Variants in TNIK observed in about 807,000 individuals in gnomAD.
TNIK encodes TRAF2 and NCK-interacting protein kinase.
TNIK carries 49 observed loss-of-function variants against 191.3 expected under a neutral mutation model. The ratio of observed to expected loss-of-function variants is 0.26; its 90% confidence interval spans 0.20 to 0.32. The LOEUF is 0.32. Ranked by LOEUF, TNIK falls within the 10% of genes least tolerant of loss-of-function variation. The pLI, the probability that TNIK is intolerant of heterozygous loss-of-function variation, is 1.00. For synonymous variants in TNIK, 594 were observed against 600.9 expected, an observed-to-expected ratio of 0.99 and a Z score of 0.17; for missense variants, 1,155 against 1,702.3, an observed-to-expected ratio of 0.68 and a Z score of 5.66.
At chr3:171,422,217 A>T (rs1185756290) in intron 1 of TNIK, among the ~76,000 whole-genome samples, 2 of 152,202 alleles carry the variant, frequency 1.3e-5, no homozygotes, top group Non-Finnish European at 2.9e-5. Flanking sequence ...CTCAGGAAAG[A>T]TTAAGTCTCA....
At chr3:171,122,125 G>A (rs34430099) in intron 18 of TNIK, among the ~76,000 whole-genome samples, 9,238 of 152,248 alleles carry the variant, frequency 0.061, 329 homozygotes, top group Middle Eastern at 0.13. Context: ...AGAGGGAATG[G>A]AAATGGCTTT....
chr3:171,447,510 A>G (rs66483175), intron 1 of TNIK, among the ~76,000 whole-genome samples: 9,086 of 152,306 alleles, frequency 0.06, 518 homozygotes, highest in African/African-American at 0.15. Context: ...CAAGGTCCAT[A>G]AATCAAATGA....
chr3:171,453,328 G>A (rs1422053133), intron 1 of TNIK, among the ~76,000 whole-genome samples: 4 of 152,194 alleles, frequency 2.6e-5, no homozygotes, highest in Non-Finnish European at 5.9e-5. Flanking sequence ...GGGACAACTT[G>A]AGAGAAATCA....
chr3:171,241,212 T>C (rs1744945764), intron 2 of TNIK, among the ~76,000 whole-genome samples: 1 of 152,112 alleles, frequency 6.6e-6, no homozygotes, highest in Non-Finnish European at 1.5e-5. Context: ...GTACTTTTAG[T>C]AGAGACAGGG....
intron 23 of TNIK, among the ~76,000 whole-genome samples, chr3:171,088,552 T>C (rs569920646): frequency 2.6e-4 from 39 of 152,288 alleles, no homozygotes; most frequent in African/African-American, 7.7e-4. Flanking sequence ...TTATAATGTA[T>C]ATAATGTCAG....
At chr3:171,448,522 C>G (rs1490699351) in intron 1 of TNIK, among the ~76,000 whole-genome samples, 1 of 149,860 alleles carries the variant, frequency 6.7e-6, no homozygotes, top group South Asian at 2.1e-4. Context: ...GGTTGATGGA[C>G]ACTTGGGTTG....
chr3:171,394,265 C>T (rs902358616), intron 1 of TNIK, among the ~76,000 whole-genome samples: 10 of 152,208 alleles, frequency 6.6e-5, no homozygotes, highest in African/African-American at 2.2e-4. Context: ...CTCATCTCCC[C>T]TTGTCTCCTG....
intron 1 of TNIK, among the ~76,000 whole-genome samples, chr3:171,430,414 A>T (rs1480334652): frequency 6.6e-6 from 1 of 152,118 alleles, no homozygotes; most frequent in Non-Finnish European, 1.5e-5. Flanking sequence ...CTGAGGTGGG[A>T]GGATCCTTTG....
intron 1 of TNIK, among the ~76,000 whole-genome samples, chr3:171,412,514 G>C (rs1471348081): frequency 1.3e-5 from 2 of 152,146 alleles, no homozygotes; most frequent in African/African-American, 4.8e-5. Context: ...GAGATTAATT[G>C]AGCCCTTATA....
intron 2 of TNIK, among the ~76,000 whole-genome samples, chr3:171,286,760 G>C (rs35875980): frequency 6.6e-6 from 1 of 152,190 alleles, no homozygotes; most frequent in Non-Finnish European, 1.5e-5. Flanking sequence ...CCTGATACCA[G>C]TTACCAGCCA....
Position 171,434,554 on chromosome 3 carries a change from C to T in TNIK, c.57+25453G>A, listed in dbSNP as rs190488182. ...CTCACTGCAGCCTCAAACTCCTGGG[C>T]TCAAGCAATCTTCCTACCTCAGCCT... On this transcript the variant is annotated intron_variant, in intron 1 of 32. Coordinates refer to ENST00000436636, the MANE Select transcript of TNIK (RefSeq NM_015028.4). 2.2e-3 allele frequency among the ~76,000 whole-genome samples: 336 copies of T among 152,102 alleles called. 2 individuals are homozygous for T. The highest frequency in any genetic ancestry group is 7.6e-3 in the African/African-American group (314 of 41,502).
chr3:171,278,670 G>A (rs776790021), intron 2 of TNIK, among the ~76,000 whole-genome samples: 87 of 152,100 alleles, frequency 5.7e-4, no homozygotes, highest in Non-Finnish European at 7.8e-4. Flanking sequence ...AAAAACAGGA[G>A]TATCCTCCCA....
At chr3:171,427,734 A>G (rs1277049157) in intron 1 of TNIK, among the ~76,000 whole-genome samples, 4 of 152,202 alleles carry the variant, frequency 2.6e-5, no homozygotes, top group Admixed American at 2.0e-4. Flanking sequence ...ATCAAGGGAA[A>G]GATGGCTCAC....
intron 2 of TNIK, among the ~76,000 whole-genome samples, chr3:171,313,260 CTTTCTTTCTTTT>C (rs1304531363): frequency 6.8e-6 from 1 of 148,036 alleles, no homozygotes; most frequent in African/African-American, 2.6e-5. Flanking sequence ...TTCTTTCTTT[CTTTCTTTCTTTT>C]TTTTTAAATA....
At chr3:171,095,009 A>G (rs998266009) in intron 22 of TNIK, among the ~76,000 whole-genome samples, 1 of 152,230 alleles carries the variant, frequency 6.6e-6, no homozygotes, top group African/African-American at 2.4e-5. Context: ...TAAAGAAGAA[A>G]TATCTACTAA....
chr3:171,191,064 G>A (rs1738008723), intron 5 of TNIK, among the ~76,000 whole-genome samples: 1 of 152,148 alleles, frequency 6.6e-6, no homozygotes, highest in Non-Finnish European at 1.5e-5. Flanking sequence ...AACCACACAA[G>A]TAATTATACG....
chr3:171,155,456 C>G (rs1461027701), intron 12 of TNIK, among the ~76,000 whole-genome samples: 1 of 152,224 alleles, frequency 6.6e-6, no homozygotes, highest in Non-Finnish European at 1.5e-5. Context: ...CAGAAGCATT[C>G]CTGCTTCTGG....
intron 2 of TNIK, among the ~76,000 whole-genome samples, chr3:171,288,283 C>G (rs1751259218): frequency 7.1e-6 from 1 of 140,702 alleles, no homozygotes; most frequent in Middle Eastern, 3.6e-3. Context: ...CTAACCTGCA[C>G]AATGTGCACA....
chr3:171,441,278 C>A (rs1192859621), intron 1 of TNIK, among the ~76,000 whole-genome samples: 1 of 152,134 alleles, frequency 6.6e-6, no homozygotes, highest in Non-Finnish European at 1.5e-5. Flanking sequence ...TTTCATCACC[C>A]AAAAAGATCC....
Sources: allele counts gnomAD v4.1 joint callset (sites outside exome capture counted in the v4.1 genomes callset), GRCh38; gene constraint gnomAD v4.1.1; transcripts MANE v1.5; gene names NCBI Gene and HGNC (gene_info 2026-07-23, HGNC 2026-07-21).